The following TAC3 variants were observed in gnomAD, a reference collection of about 807,000 sequenced individuals.
TAC3 encodes tachykinin-3.
Under a neutral mutation model 16.5 loss-of-function variants are expected in TAC3, and 9 were observed. The observed-to-expected ratio is 0.55, with a 90% confidence interval of 0.33 to 0.95. The LOEUF is 0.95. Ranked by LOEUF, TAC3 falls within the 40% of genes least tolerant of loss-of-function variation. The pLI is 0.03. For synonymous variants in TAC3, 52 were observed against 56.7 expected, an observed-to-expected ratio of 0.92 and a Z score of 0.37; for missense variants, 129 against 149.1, an observed-to-expected ratio of 0.87 and a Z score of 0.70.
chr12:57,012,358 C>T lies in TAC3; in HGVS notation c.*1+20G>A. The T allele has an allele frequency of 1.9e-6, 3 of 1,607,966 alleles. No homozygotes were observed. Among genetic ancestry groups the T allele is most frequent in the Non-Finnish European group, 2.6e-6 (3 of 1,175,396 alleles). On this transcript the variant is annotated intron_variant, in intron 6 of 6. Transcript: ENST00000458521. Reference sequence around the variant, plus strand: ...CCCCCTCCCCAGTCCCCTCTCCCCTCTCTAATGAACAATCCTTACCCTATT... The same window carrying T: ...CCCCCTCCCCAGTCCCCTCTCCCCTTTCTAATGAACAATCCTTACCCTATT...
intron 6 of TAC3, 40 bp downstream of exon 6, chr12:57,012,338 T>G: frequency 7.1e-6 from 5 of 703,246 alleles, no homozygotes; most frequent in Non-Finnish European, 1.2e-5. Flanking sequence ...CACAGCCCCC[T>G]CCCCAGTCCC....
rs368912592 is a variant in TAC3, at chr12:57,015,699, G to A, written c.99C>T (p.Gly33=). The change falls in exon 2 of 7, where the codon GGC becomes GGT. Residue 33 remains glycine, a synonymous_variant. Transcript: ENST00000458521. ...CKEPQEEVVP[G]GGRSKRDPDL... is the part of the protein sequence containing the mutation. ...GGAGACTTACCTTGCTGCGGCCCCC[G>A]CCAGGAACCACCTCCTCCTGTGGCT... 95 of 1,613,726 alleles carry A rather than the reference G, an allele frequency of 5.9e-5. No homozygotes were observed. Among genetic ancestry groups the A allele is most frequent in the Non-Finnish European group, 7.3e-5 (86 of 1,179,930 alleles).
At chr12:57,013,134 T>G in intron 4 of TAC3, 1 of 720,996 alleles carries the variant, frequency 1.4e-6, no homozygotes, top group Non-Finnish European at 2.3e-6. Context: ...TCCCCTTGTT[T>G]TCCAAGGACC....
chr12:57,013,095 G>T, intron 4 of TAC3: 1 of 750,278 alleles, frequency 1.3e-6, no homozygotes, highest in Non-Finnish European at 2.2e-6. Flanking sequence ...GCAGGTGCCT[G>T]ATTTGGAATT....
At chr12:57,010,879 G>A (rs1038915724) in intron 6 of TAC3, 7 of 152,210 alleles carry the variant, frequency 4.6e-5, no homozygotes, top group African/African-American at 1.7e-4. Flanking sequence ...TATGAAAGCT[G>A]CAATTATGGG....
intron 2 of TAC3, among the ~76,000 whole-genome samples, chr12:57,014,749 G>T (rs1230537075): frequency 6.6e-6 from 1 of 151,704 alleles, no homozygotes. Flanking sequence ...TGGCACAACT[G>T]CTGCCACCTG....
In TAC3 at chr12:57,010,003, A is replaced by G. The variant is rs1308385574; in HGVS notation, c.*287T>C. 1 of 411,610 alleles carries G rather than the reference A, an allele frequency of 2.4e-6. No homozygotes were observed. The highest frequency in any genetic ancestry group is 2.6e-5 in the Admixed American group (1 of 38,310). 25.5% of individuals were successfully genotyped at this position (411,610 alleles called of 1,614,324 possible). On this transcript the variant is annotated 3_prime_UTR_variant, in exon 7 of 7. Coordinates refer to ENST00000458521, the MANE Select transcript of TAC3 (RefSeq NM_013251.4). ...AGTAAACACACACACCACATCATTCATATGCAAAAATCCTTTATTGTTGAG... is the reference window on the plus strand; with the variant it reads ...AGTAAACACACACACCACATCATTCGTATGCAAAAATCCTTTATTGTTGAG...
In TAC3 at chr12:57,010,156, A is replaced by C. The variant is rs1295339882; in HGVS notation, c.*134T>G. ...TCCACACCAGGGTCAGGTAGAAAAG[A>C]TGGAGAAGGAGTCAAAGCACAAGAA... is the stretch of plus-strand genomic sequence containing the variant. On this transcript the variant is annotated 3_prime_UTR_variant, in exon 7 of 7. Transcript: ENST00000458521. 1 of 454,012 alleles carries C rather than the reference A, an allele frequency of 2.2e-6. No homozygotes were observed. Among genetic ancestry groups the C allele is most frequent in the Non-Finnish European group, 4.4e-6 (1 of 226,800 alleles). The allele number at this position is 454,012 out of a possible 1,614,324, so 28.1% of individuals were successfully genotyped here.
chr12:57,011,640 G>A (rs549877227), intron 6 of TAC3, among the ~76,000 whole-genome samples: 14 of 152,306 alleles, frequency 9.2e-5, no homozygotes, highest in African/African-American at 3.1e-4. Context: ...ACAGCACTGT[G>A]CACCCGGCAC....
chr12:57,012,625 T>C, intron 5 of TAC3, 173 bp from the exon 6 acceptor site: 1 of 1,613,006 alleles, frequency 6.2e-7, no homozygotes, highest in Non-Finnish European at 8.5e-7. Flanking sequence ...GACTACCTTA[T>C]AAAGGTCTCT....
At chr12:57,016,074 C>G (rs1956370031) in intron 1 of TAC3, among the ~76,000 whole-genome samples, 1 of 152,134 alleles carries the variant, frequency 6.6e-6, no homozygotes, top group Admixed American at 6.5e-5. Flanking sequence ...CTCTAGCTCC[C>G]AAGAAAGATG....
Position 57,015,746 on chromosome 12 carries a change from T to G in TAC3, c.52A>C (p.Ser18Arg). 6.2e-7 allele frequency: 1 copy of G among 1,614,120 alleles called. No individual in the cohort carries two copies. Among genetic ancestry groups the G allele is most frequent in the Non-Finnish European group, 8.5e-7 (1 of 1,180,026 alleles). Residue 18 changes from serine to arginine, a missense_variant, in exon 2 of 7, where the codon AGC becomes CGC. Transcript: ENST00000458521. ...GGCTCCTTACAGACAGCCCCAAAGC[T>G]CTGAGCTAGGCTGAAGGCCAGGATG... is the stretch of plus-strand genomic sequence containing the variant. ...TAILAFSLAQ[S>R]FGAVCKEPQE...
Position 57,013,108 on chromosome 12 carries a change from C to A in TAC3, c.239-233G>T, listed in dbSNP as rs1328478748. ...TAGCAGGTGCCTGATTTGGAATTTT[C>A]AGGGCCACGAAGAGATCCCCTTGTT... On this transcript the variant is annotated intron_variant, in intron 4 of 6. Transcript: ENST00000458521. The A allele has an allele frequency of 2.2e-5, 16 of 730,348 alleles. No homozygotes were observed. In the Admixed American group the frequency reaches 3.6e-4, roughly 17 times the overall value. 45.2% of individuals were successfully genotyped at this position (730,348 alleles called of 1,614,324 possible). A position where few individuals can be genotyped will look rare whatever the true frequency, so the allele number is the denominator to read the frequency against.
intron 2 of TAC3, among the ~76,000 whole-genome samples, chr12:57,014,671 C>G (rs780572483): frequency 4.0e-5 from 6 of 151,382 alleles, no homozygotes; most frequent in African/African-American, 1.5e-4. Flanking sequence ...TGGCTCCAAA[C>G]GGTGTCCAGC....
intron 5 of TAC3, 28 bp downstream of exon 5, chr12:57,012,794 C>T: frequency 6.2e-7 from 1 of 1,614,118 alleles, no homozygotes. Flanking sequence ...ACCCTAAGCC[C>T]TTCCACTGTA....
At chr12:57,011,046 A>T (rs1956290814) in intron 6 of TAC3, 1 of 152,632 alleles carries the variant, frequency 6.6e-6, no homozygotes, top group South Asian at 2.1e-4. Context: ...TCATCCAGAT[A>T]TAGCTGCTCG....
At chr12:57,015,062 G>A (rs1229459847) in intron 2 of TAC3, among the ~76,000 whole-genome samples, 2 of 151,994 alleles carry the variant, frequency 1.3e-5, no homozygotes, top group African/African-American at 2.4e-5. Flanking sequence ...TGTGGAAATC[G>A]AGGCTCAATC....
intron 2 of TAC3, among the ~76,000 whole-genome samples, chr12:57,014,744 C>A (rs1312922434): frequency 6.6e-6 from 1 of 151,890 alleles, no homozygotes; most frequent in Non-Finnish European, 1.5e-5. Flanking sequence ...GGATATGGCA[C>A]AACTGCTGCC....
intron 6 of TAC3, chr12:57,010,793 T>C (rs1956288058): frequency 6.6e-6 from 1 of 152,274 alleles, no homozygotes; most frequent in Non-Finnish European, 1.5e-5. Context: ...AATCTTTAAA[T>C]GCCAGCTCCC....
Sources: allele counts gnomAD v4.1 joint callset (sites outside exome capture counted in the v4.1 genomes callset), GRCh38; gene constraint gnomAD v4.1.1; transcripts MANE v1.5; gene names NCBI Gene and HGNC (gene_info 2026-07-23, HGNC 2026-07-21).